Variants in XKR5 observed in about 807,000 individuals in gnomAD.
XKR5 encodes the protein XK related 5, also known as XK-related protein 5.
XKR5 carries 46 observed loss-of-function variants against 40.8 expected under a neutral mutation model. The observed-to-expected ratio is 1.13, with a 90% CI of 0.89 to 1.44. The LOEUF is 1.44. XKR5 is among the 40% of genes most tolerant of loss of function. The pLI is 0.00. For missense variants in XKR5, 1,169 were observed against 844.7 expected (o/e 1.38, Z -4.76); for synonymous variants, 466 against 356.1 (o/e 1.31, Z -3.48).
intron 2 of XKR5, chr8:6,829,072 C>A (rs1316177812): frequency 6.5e-6 from 1 of 153,070 alleles, no homozygotes; most frequent in East Asian, 1.9e-4. Context: ...CTCGAGGGAT[C>A]CTGAGGCAGG....
intron 6 of XKR5, among the ~76,000 whole-genome samples, chr8:6,812,875 GAAC>G (rs1045269642): frequency 1.3e-5 from 2 of 152,172 alleles, no homozygotes; most frequent in Non-Finnish European, 2.9e-5. Context: ...GAATTTCCAT[GAAC>G]AACAACAACA....
At chr8:6,832,673 T>G in intron 2 of XKR5, 44 bp downstream of exon 2, 1 of 1,604,934 alleles carries the variant, frequency 6.2e-7, no homozygotes, top group South Asian at 1.1e-5. Context: ...CTCACTGCAC[T>G]TGTGCAATTG....
intron 6 of XKR5, 42 bp downstream of exon 6, chr8:6,815,765 T>A (rs375341695): frequency 3.1e-5 from 42 of 1,359,908 alleles, no homozygotes; most frequent in Admixed American, 1.4e-4. Context: ...AAAAAATACG[T>A]TGGGGAGGGG....
In XKR5 at chr8:6,812,144, G is replaced by T; in HGVS notation, c.1115C>A (p.Thr372Asn). 2 of 1,551,110 alleles carry T rather than the reference G, an allele frequency of 1.3e-6. No individual in the cohort carries two copies. The highest frequency in any genetic ancestry group is 1.7e-6 in the Non-Finnish European group (2 of 1,146,988). ...GSCQGASYEP[T>N]ILGKPPTPEQ... ...AGGGGTAGGGGGCTTCCCTAAAATG[G>T]TTGGTTCATAACTTGCCCCTTGGCA... Residue 372 changes from threonine to asparagine, a missense_variant, in exon 7 of 7, where the codon ACC (threonine) becomes AAC (asparagine). Physicochemically the swap from Thr to Asn is moderately conservative, Grantham distance 65. Transcript: ENST00000618742.
intron 6 of XKR5, among the ~76,000 whole-genome samples, chr8:6,813,709 C>T (rs188633946): frequency 8.5e-5 from 13 of 152,296 alleles, no homozygotes; most frequent in Admixed American, 7.8e-4. Flanking sequence ...CTGAGTGCTG[C>T]CCGTGGCTAT....
At chr8:6,822,068 G>A (rs768272740) in intron 4 of XKR5, 30 bp from the exon 5 acceptor site, 28 of 1,578,186 alleles carry the variant, frequency 1.8e-5, no homozygotes, top group Non-Finnish European at 2.2e-5. Flanking sequence ...AGACGTCAGG[G>A]TCCATGCAAG....
At chr8:6,822,343 T>C (rs1040996523) in intron 4 of XKR5, among the ~76,000 whole-genome samples, 4 of 152,184 alleles carry the variant, frequency 2.6e-5, no homozygotes, top group African/African-American at 9.6e-5. Flanking sequence ...CCAGAAAGTG[T>C]TTAAAGGGGC....
chr8:6,826,914 C>T (rs891827606), intron 2 of XKR5, among the ~76,000 whole-genome samples: 1 of 152,198 alleles, frequency 6.6e-6, no homozygotes, highest in African/African-American at 2.4e-5. Context: ...TCTGCTCACC[C>T]AGCCTGGGTG....
In XKR5 at chr8:6,811,857, T is replaced by A; in HGVS notation, c.1402A>T (p.Ser468Cys). 6.5e-7 allele frequency: 1 copy of A among 1,537,600 alleles called. No individual in the cohort carries two copies. Among genetic ancestry groups the A allele is most frequent in the Non-Finnish European group, 8.7e-7 (1 of 1,146,982 alleles). ...SSRDPSTLEN[S>C]SAFEGVPKAE... ...TTAGGGACACCTTCAAACGCAGAGC[T>A]GTTCTCTAAGGTTGAGGGGTCACGG... Residue 468 changes from serine (S) to cysteine (C), a missense_variant, in exon 7 of 7, where the codon AGC becomes TGC. Coordinates refer to ENST00000618742, the MANE Select transcript of XKR5 (RefSeq NM_207411.5).
intron 6 of XKR5, among the ~76,000 whole-genome samples, chr8:6,814,882 C>A (rs1427388382): frequency 1.3e-5 from 2 of 152,192 alleles, no homozygotes; most frequent in African/African-American, 4.8e-5. Flanking sequence ...TCATTCCTTT[C>A]CCAGGTCCAG....
chr8:6,818,959 T>C (rs1804092606), intron 5 of XKR5, among the ~76,000 whole-genome samples: 1 of 152,234 alleles, frequency 6.6e-6, no homozygotes, highest in Admixed American at 6.5e-5. Context: ...GGAGGATCAC[T>C]TGAGCCTAGA....
At chr8:6,819,636 G>A (rs1264589732) in intron 5 of XKR5, among the ~76,000 whole-genome samples, 1 of 152,330 alleles carries the variant, frequency 6.6e-6, no homozygotes, top group East Asian at 1.9e-4. Flanking sequence ...GGTGAAGTGC[G>A]AGGTGAGCAT....
chr8:6,811,395 T>G lies in XKR5; in HGVS notation c.1864A>C (p.Ser622Arg), dbSNP rs763684892. The part of the protein sequence containing the change: ...PSAGFPGRTL[S>R]ISELEEPLEP... ...AGCGGCTCCTCTAGCTCTGAGATAC[T>G]GAGGGTTCTTCCAGGGAAGCCTGCA... Residue 622 changes from serine (S) to arginine (R), a missense_variant, in exon 7 of 7, where the codon AGT (serine) becomes CGT (arginine). Ser to Arg is a moderately radical substitution (Grantham distance 110, BLOSUM62 -1). Transcript: ENST00000618742. 1 of 1,537,312 alleles carries G rather than the reference T, an allele frequency of 6.5e-7. No individual in the cohort carries two copies. Among genetic ancestry groups the G allele is most frequent in the Non-Finnish European group, 8.7e-7 (1 of 1,146,922 alleles).
intron 2 of XKR5, among the ~76,000 whole-genome samples, chr8:6,827,494 A>C (rs1462157995): frequency 1.3e-5 from 2 of 152,142 alleles, no homozygotes; most frequent in Non-Finnish European, 2.9e-5. Flanking sequence ...GGCTTTATTC[A>C]TGGTGCTGAG....
rs1387082183 is a variant in XKR5 at position 6,830,993 on chromosome 8, G to A, written c.242+1724C>T. Among the ~76,000 whole-genome samples, 3 of 152,302 alleles carry A rather than the reference G, an allele frequency of 2.0e-5. No homozygotes were observed. The South Asian group carries it at 6.2e-4, about 32-fold the overall frequency. On this transcript the variant is annotated intron_variant, in intron 2 of 6. Transcript: ENST00000618742. ...CCACACAGCCTCAGAAGGCAGATTTGTCTAACCGTTCATTACCCAGGAAGC... is the reference window on the plus strand; with the variant it reads ...CCACACAGCCTCAGAAGGCAGATTTATCTAACCGTTCATTACCCAGGAAGC...
rs776213309 is a variant in XKR5, at chr8:6,811,407, C to G, written c.1852G>C (p.Gly618Arg). Residue 618 changes from glycine (G) to arginine (R), a missense_variant, in exon 7 of 7, where the codon GGA becomes CGA. Coordinates refer to ENST00000618742, the MANE Select transcript of XKR5 (RefSeq NM_207411.5). Reference protein sequence around the residue: ...RGFCPSAGFPGRTLSISELEE... With the variant: ...RGFCPSAGFPRRTLSISELEE... ...AGCTCTGAGATACTGAGGGTTCTTCCAGGGAAGCCTGCACTGGGGCAGAAG... is the reference window on the plus strand; with the variant it reads ...AGCTCTGAGATACTGAGGGTTCTTCGAGGGAAGCCTGCACTGGGGCAGAAG... The G allele has an allele frequency of 1.2e-5, 18 of 1,537,118 alleles. No homozygotes were observed. The highest frequency in any genetic ancestry group is 1.6e-5 in the Non-Finnish European group (18 of 1,146,894).
intron 2 of XKR5, among the ~76,000 whole-genome samples, chr8:6,826,155 C>T (rs919689331): frequency 1.3e-5 from 2 of 151,992 alleles, no homozygotes; most frequent in African/African-American, 2.4e-5. Flanking sequence ...GTGTATGTAT[C>T]TGCATGTGCA....
chr8:6,824,465 G>A (rs569140370), intron 3 of XKR5, among the ~76,000 whole-genome samples: 1 of 152,274 alleles, frequency 6.6e-6, no homozygotes, highest in East Asian at 1.9e-4. Flanking sequence ...TGTTGCTGGG[G>A]CCTGAGTTGT....
chr8:6,825,362 A>T lies in XKR5; in HGVS notation c.243-13T>A. 1 of 1,523,822 alleles carries T rather than the reference A, an allele frequency of 6.6e-7. No individual in the cohort carries two copies. Among genetic ancestry groups the T allele is most frequent in the African/African-American group, 1.4e-5 (1 of 71,108 alleles). 94.4% of individuals were successfully genotyped at this position (1,523,822 alleles called of 1,614,324 possible). A position where few individuals can be genotyped will look rare whatever the true frequency, so the allele number is the denominator to read the frequency against. On this transcript the variant is annotated splice_polypyrimidine_tract_variant and intron_variant, in intron 2 of 6. Transcript: ENST00000618742. Reference sequence around the variant, plus strand: ...AGCGTCCCAGTGCCTAGGGAACAGCAGAGGGCACGTGACACGGAGCCAGGC... The same window carrying T: ...AGCGTCCCAGTGCCTAGGGAACAGCTGAGGGCACGTGACACGGAGCCAGGC...
Sources: allele counts gnomAD v4.1 joint callset (sites outside exome capture counted in the v4.1 genomes callset), GRCh38; gene constraint gnomAD v4.1.1; transcripts MANE v1.5; gene names NCBI Gene and HGNC (gene_info 2026-07-23, HGNC 2026-07-21).